Variants in TNS3 observed in about 807,000 individuals in gnomAD.
TNS3 encodes the protein tensin-3.
Under a neutral mutation model 140.9 loss-of-function variants are expected in TNS3, and 45 were observed. That is an observed-to-expected ratio of 0.32 (90% CI 0.25 to 0.41). TNS3 has a LOEUF of 0.41. Among genes scored for constraint, TNS3 ranks in the 10% least tolerant of loss-of-function variants. The probability of loss-of-function intolerance (pLI) is 1.00; values close to 1 mark genes in which losing one functional copy is unlikely to be tolerated. For synonymous variants in TNS3, 815 were observed against 788.4 expected (o/e 1.03, Z -0.56); for missense variants, 1,716 against 1,906.7 (o/e 0.90, Z 1.86).
intron 2 of TNS3, among the ~76,000 whole-genome samples, chr7:47,508,613 G>A (rs1798500636): frequency 6.6e-6 from 1 of 152,240 alleles, no homozygotes; most frequent in Non-Finnish European, 1.5e-5. Flanking sequence ...ACATCATGCA[G>A]CGGTTAGCCT....
At chr7:47,409,042 T>TC (rs1554317206) in intron 13 of TNS3, among the ~76,000 whole-genome samples, 12 of 147,994 alleles carry the variant, frequency 8.1e-5, no homozygotes, top group Non-Finnish European at 1.2e-4. Flanking sequence ...CACAAAACAT[T>TC]AAAAAAAAAG....
At chr7:47,501,346 C>A (rs1355965241) in intron 3 of TNS3, among the ~76,000 whole-genome samples, 1 of 152,198 alleles carries the variant, frequency 6.6e-6, no homozygotes, top group Non-Finnish European at 1.5e-5. Context: ...AAAGCTGACA[C>A]CCCAACCTTA....
intron 2 of TNS3, 55 bp downstream of exon 2, chr7:47,528,981 T>C: frequency 1.8e-6 from 2 of 1,113,054 alleles, no homozygotes; most frequent in South Asian, 2.9e-5. Context: ...TCGTTTTGTT[T>C]CTTGTTTGTT....
At chr7:47,410,609 A>G (rs923558229) in intron 13 of TNS3, among the ~76,000 whole-genome samples, 102 of 152,364 alleles carry the variant, frequency 6.7e-4, no homozygotes, top group African/African-American at 2.4e-3. Flanking sequence ...ATTCAGGACC[A>G]GCAAGGTAGG....
intron 3 of TNS3, among the ~76,000 whole-genome samples, chr7:47,483,453 G>A (rs1208349449): frequency 6.6e-6 from 1 of 152,226 alleles, no homozygotes; most frequent in Admixed American, 6.5e-5. Context: ...ACAGGCGTGA[G>A]CCACCATACC....
intron 17 of TNS3, among the ~76,000 whole-genome samples, chr7:47,355,641 T>C (rs1789951293): frequency 6.6e-6 from 1 of 152,168 alleles, no homozygotes; most frequent in Non-Finnish European, 1.5e-5. Context: ...TTAAATTTTG[T>C]TTAAAACACC....
chr7:47,304,206 G>A (rs978616909), intron 21 of TNS3, among the ~76,000 whole-genome samples: 2 of 152,114 alleles, frequency 1.3e-5, no homozygotes, highest in East Asian at 3.9e-4. Flanking sequence ...GTTGATTAAC[G>A]GATACCACAA....
intron 1 of TNS3, among the ~76,000 whole-genome samples, chr7:47,537,426 C>T (rs1799641471): frequency 6.6e-6 from 1 of 152,104 alleles, no homozygotes; most frequent in Non-Finnish European, 1.5e-5. Flanking sequence ...CCGCCCCAAC[C>T]GCAGCTCCGA....
intron 22 of TNS3, among the ~76,000 whole-genome samples, 177 bp downstream of exon 22, chr7:47,302,773 G>A (rs1347332218): frequency 6.6e-6 from 1 of 152,240 alleles, no homozygotes; most frequent in Non-Finnish European, 1.5e-5. Flanking sequence ...TGAAAAGCCT[G>A]AGCCAGTGCT....
At chr7:47,582,409 G>T (rs1209022097), upstream of TNS3, 1 of 456,424 alleles carries the variant, frequency 2.2e-6, no homozygotes, top group Non-Finnish European at 4.4e-6. Context: ...AGGTTCCGCC[G>T]GGCCGGTGTT....
intron 20 of TNS3, among the ~76,000 whole-genome samples, chr7:47,311,018 G>A (rs570335951): frequency 1.0e-3 from 55 of 54,794 alleles, no homozygotes; most frequent in African/African-American, 2.8e-3. Flanking sequence ...TGAATAGTTC[G>A]CAATAAGCAT....
At chr7:47,520,234 G>T (rs1195149302) in intron 2 of TNS3, among the ~76,000 whole-genome samples, 4 of 152,182 alleles carry the variant, frequency 2.6e-5, no homozygotes, top group Admixed American at 6.5e-5. Context: ...CGAGGATGTG[G>T]AATCAGAAGT....
intron 9 of TNS3, among the ~76,000 whole-genome samples, chr7:47,427,412 AG>A (rs1050836545): frequency 6.6e-6 from 1 of 152,188 alleles, no homozygotes; most frequent in Non-Finnish European, 1.5e-5. Context: ...AGAAAGGAAA[AG>A]GTTTATCGGC....
intron 5 of TNS3, among the ~76,000 whole-genome samples, chr7:47,440,889 C>T (rs1043270270): frequency 5.9e-5 from 9 of 152,102 alleles, no homozygotes; most frequent in African/African-American, 2.2e-4. Context: ...TGGAAAAATT[C>T]AAAACCATAT....
chr7:47,401,394 G>T (rs372706409), intron 13 of TNS3, among the ~76,000 whole-genome samples: 1 of 152,112 alleles, frequency 6.6e-6, no homozygotes, highest in African/African-American at 2.4e-5. Context: ...AGCAGCAGCC[G>T]GTCATTACTG....
chr7:47,343,582 A>T (rs777780064), intron 20 of TNS3, among the ~76,000 whole-genome samples: 30 of 152,136 alleles, frequency 2.0e-4, no homozygotes, highest in Non-Finnish European at 4.0e-4. Context: ...CATGAGGAGG[A>T]GGGGTTACAT....
chr7:47,468,949 T>C (rs1796834046), intron 4 of TNS3, among the ~76,000 whole-genome samples: 1 of 152,090 alleles, frequency 6.6e-6, no homozygotes, highest in Admixed American at 6.5e-5. Flanking sequence ...CTTACAACCA[T>C]CTAATCTTCA....
chr7:47,454,679 C>G (rs1584697804), intron 4 of TNS3, among the ~76,000 whole-genome samples: 1 of 152,142 alleles, frequency 6.6e-6, no homozygotes, highest in Admixed American at 6.5e-5. Flanking sequence ...TTCATGGTGA[C>G]AGAAAACAGG....
At chr7:47,380,349 A>T (rs943254972) in intron 16 of TNS3, among the ~76,000 whole-genome samples, 1 of 152,236 alleles carries the variant, frequency 6.6e-6, no homozygotes, top group African/African-American at 2.4e-5. Flanking sequence ...CAGGGGCCCA[A>T]GCCCAGAGGA....
Sources: gnomAD v4.1 joint callset for allele counts (sites outside exome capture counted in the v4.1 genomes callset) on GRCh38, gnomAD v4.1.1 for gene constraint, MANE v1.5 for transcripts, NCBI Gene and HGNC (gene_info 2026-07-23, HGNC 2026-07-21) for gene names.